IL23R: variants seen among roughly 807,000 people sequenced by gnomAD.
IL23R encodes the protein interleukin-23 receptor.
IL23R carries 34 observed loss-of-function variants against 56.9 expected under a neutral mutation model. The ratio of observed to expected loss-of-function variants is 0.60; its 90% confidence interval spans 0.45 to 0.80. The LOEUF (loss-of-function observed/expected upper bound fraction) is 0.80. Among genes scored for constraint, IL23R ranks in the 30% least tolerant of loss-of-function variants. The pLI is 0.00. For missense variants in IL23R, 635 were observed against 730.0 expected (o/e 0.87, Z 1.50); for synonymous variants, 230 against 249.2 (o/e 0.92, Z 0.73).
intron 4 of IL23R, 66 bp from the exon 5 acceptor site, chr1:67,200,671 C>A: frequency 6.5e-7 from 1 of 1,531,126 alleles, no homozygotes; most frequent in Non-Finnish European, 9.0e-7. Flanking sequence ...AGGTGTGAGC[C>A]ACCATGCCTG....
At chr1:67,257,987 C>T (rs1653044031) in intron 10 of IL23R, among the ~76,000 whole-genome samples, 1 of 152,108 alleles carries the variant, frequency 6.6e-6, no homozygotes, top group Non-Finnish European at 1.5e-5. Flanking sequence ...CAGGCCTTAT[C>T]CACCTTTAGA....
At chr1:67,241,413 T>G (rs1651844666) in intron 9 of IL23R, among the ~76,000 whole-genome samples, 1 of 152,216 alleles carries the variant, frequency 6.6e-6, no homozygotes, top group African/African-American at 2.4e-5. Context: ...AACAACTCCA[T>G]TTTGGTTTGG....
At chr1:67,260,803 G>T (rs540401824), downstream of IL23R, among the ~76,000 whole-genome samples, 1 of 152,188 alleles carries the variant, frequency 6.6e-6, no homozygotes, top group South Asian at 2.1e-4. Context: ...AGGCTGAGGC[G>T]GAAGGAACAC....
chr1:67,193,669 G>A (rs766337059), intron 4 of IL23R, among the ~76,000 whole-genome samples: 8 of 152,124 alleles, frequency 5.3e-5, no homozygotes, highest in Non-Finnish European at 1.2e-4. Context: ...GTAATATACA[G>A]TTATGTAAAA....
upstream of IL23R, among the ~76,000 whole-genome samples, chr1:67,165,830 C>T (rs1646868183): frequency 6.6e-6 from 1 of 151,980 alleles, no homozygotes; most frequent in Non-Finnish European, 1.5e-5. Context: ...GGAAAGGAAG[C>T]TATTGGTCGA....
intron 4 of IL23R, among the ~76,000 whole-genome samples, chr1:67,195,598 C>T (rs753139828): frequency 7.9e-5 from 12 of 152,116 alleles, no homozygotes; most frequent in Non-Finnish European, 1.8e-4. Context: ...GACATACCCT[C>T]CTCGTCCTCT....
In IL23R at chr1:67,258,487, G is replaced by A; in HGVS notation, c.1249G>A (p.Glu417Lys). 1 of 1,595,338 alleles carries A rather than the reference G, an allele frequency of 6.3e-7. No individual in the cohort carries two copies. The highest frequency in any genetic ancestry group is 8.5e-7 in the Non-Finnish European group (1 of 1,171,462). ...NVVKMLQENSELMNNNSSEQV... is the reference protein window; with the variant it reads ...NVVKMLQENSKLMNNNSSEQV... Reference sequence around the variant, plus strand: ...TGTCTTTTTTTCCTAGGAAAATAGTGAACTTATGAATAATAATTCCAGTGA... The same window carrying A: ...TGTCTTTTTTTCCTAGGAAAATAGTAAACTTATGAATAATAATTCCAGTGA... The change falls in exon 11 of 11, where the codon GAA (glutamate) becomes AAA (lysine). Residue 417 changes from glutamate to lysine, a missense_variant. Glu to Lys is a moderately conservative substitution (Grantham distance 56, BLOSUM62 1). Coordinates refer to ENST00000347310, the MANE Select transcript of IL23R (RefSeq NM_144701.3).
At chr1:67,170,751 C>T (rs908087332) in intron 3 of IL23R, among the ~76,000 whole-genome samples, 3 of 152,202 alleles carry the variant, frequency 2.0e-5, no homozygotes, top group African/African-American at 7.2e-5. Flanking sequence ...TCAGTTCTTG[C>T]TTCTTCTTCA....
intron 5 of IL23R, among the ~76,000 whole-genome samples, chr1:67,202,441 T>C (rs2102626514): frequency 6.6e-6 from 1 of 152,336 alleles, no homozygotes; most frequent in East Asian, 1.9e-4. Flanking sequence ...TTTTGCTATG[T>C]TGGCCAGGCT....
chr1:67,224,618 T>C (rs972180286), intron 7 of IL23R, among the ~76,000 whole-genome samples: 1 of 152,222 alleles, frequency 6.6e-6, no homozygotes, highest in Non-Finnish European at 1.5e-5. Flanking sequence ...AAAAACCTGG[T>C]CTCAAAAATG....
chr1:67,171,273 T>A (rs1646940297), intron 3 of IL23R, among the ~76,000 whole-genome samples: 1 of 152,146 alleles, frequency 6.6e-6, no homozygotes, highest in Non-Finnish European at 1.5e-5. Context: ...AAATAAACAT[T>A]GTCTCTGTTA....
intron 4 of IL23R, among the ~76,000 whole-genome samples, chr1:67,193,209 C>T (rs989350431): frequency 7.9e-5 from 12 of 152,126 alleles, no homozygotes; most frequent in Non-Finnish European, 1.8e-4. Flanking sequence ...ATAAGACTTT[C>T]CTCATCTCTC....
chr1:67,172,091 T>G (rs1002069389), intron 3 of IL23R, among the ~76,000 whole-genome samples: 1 of 152,194 alleles, frequency 6.6e-6, no homozygotes, highest in Non-Finnish European at 1.5e-5. Context: ...AACTGCCAGG[T>G]GAGAATTTAC....
chr1:67,216,513 G>A (rs11576518), intron 6 of IL23R, among the ~76,000 whole-genome samples: 68,009 of 151,866 alleles, frequency 0.45, 15,419 homozygotes, highest in Admixed American at 0.56. Context: ...AGGCTTTGCA[G>A]AACATAAGAT....
At chr1:67,263,690 C>A (rs1313529718), downstream of IL23R, among the ~76,000 whole-genome samples, 2 of 152,102 alleles carry the variant, frequency 1.3e-5, no homozygotes, top group Non-Finnish European at 2.9e-5. Context: ...GTGGGCAGAT[C>A]ACTTGAGGTC....
intron 9 of IL23R, among the ~76,000 whole-genome samples, chr1:67,253,668 A>G (rs1333965360): frequency 6.6e-6 from 1 of 152,218 alleles, no homozygotes; most frequent in African/African-American, 2.4e-5. Context: ...AAGGAAGGCA[A>G]ACTAATACGG....
chr1:67,139,656 G>C (rs543364268), intron 1 of IL23R, among the ~76,000 whole-genome samples: 1 of 152,300 alleles, frequency 6.6e-6, no homozygotes, highest in South Asian at 2.1e-4. Flanking sequence ...CCCTCCGAAA[G>C]TCATGTTGAA....
intron 1 of IL23R, among the ~76,000 whole-genome samples, chr1:67,159,631 C>T (rs1480391411): frequency 1.3e-5 from 2 of 152,148 alleles, no homozygotes; most frequent in Non-Finnish European, 2.9e-5. Flanking sequence ...TGCAGTGGTG[C>T]ATGCTTGTGG....
chr1:67,165,825 G>C (rs1200046124), upstream of IL23R, among the ~76,000 whole-genome samples: 2 of 152,216 alleles, frequency 1.3e-5, no homozygotes, highest in African/African-American at 4.8e-5. Context: ...TGGAGGGAAA[G>C]GAAGCTATTG....
Sources: gnomAD v4.1 joint callset for allele counts (sites outside exome capture counted in the v4.1 genomes callset) on GRCh38, gnomAD v4.1.1 for gene constraint, MANE v1.5 for transcripts, NCBI Gene and HGNC (gene_info 2026-07-23, HGNC 2026-07-21) for gene names.